The following GRIK2 variants were observed in gnomAD, a reference collection of about 807,000 sequenced individuals.
GRIK2 encodes glutamate ionotropic receptor kainate type subunit 2.
Under a neutral mutation model 100.3 loss-of-function variants are expected in GRIK2, and 32 were observed. The ratio of observed to expected loss-of-function variants is 0.32; its 90% CI spans 0.24 to 0.43. The LOEUF is 0.43. Ranked by LOEUF, GRIK2 falls within the 20% of genes least tolerant of loss-of-function variation. GRIK2 has a pLI of 1.00. For missense variants in GRIK2, 843 were observed against 1,114.9 expected (o/e 0.76, Z 3.47); for synonymous variants, 417 against 389.4 (o/e 1.07, Z -0.83).
At chr6:101,896,278 G>A (rs78858739) in intron 12 of GRIK2, among the ~76,000 whole-genome samples, 5,722 of 151,716 alleles carry the variant, frequency 0.038, 153 homozygotes, top group Non-Finnish European at 0.057. Flanking sequence ...GCTCTTGACT[G>A]AAAGTATCCA....
At chr6:101,987,349 G>A (rs574144752) in intron 14 of GRIK2, among the ~76,000 whole-genome samples, 22 of 151,732 alleles carry the variant, frequency 1.4e-4, no homozygotes, top group African/African-American at 3.9e-4. Context: ...CAAACAAAAC[G>A]AAAACAAAGA....
intron 2 of GRIK2, among the ~76,000 whole-genome samples, chr6:101,563,498 A>G (rs1777119542): frequency 1.3e-5 from 2 of 152,168 alleles, no homozygotes; most frequent in African/African-American, 4.8e-5. Context: ...CTTTCCAATG[A>G]TGTACTTAGG....
At chr6:101,419,704 T>G (rs1055114620) in intron 2 of GRIK2, among the ~76,000 whole-genome samples, 1 of 152,202 alleles carries the variant, frequency 6.6e-6, no homozygotes, top group Non-Finnish European at 1.5e-5. Context: ...TTAAGTAATT[T>G]GTTCCAAATG....
chr6:101,988,132 TGC>T (rs112299589), intron 14 of GRIK2, among the ~76,000 whole-genome samples: 2,522 of 29,086 alleles, frequency 0.087, 26 homozygotes, highest in Middle Eastern at 0.16. Context: ...TGTGTGTGTG[TGC>T]GCGCGCGCGC....
At chr6:101,991,996 GA>G in intron 14 of GRIK2, among the ~76,000 whole-genome samples, 1 of 151,552 alleles carries the variant, frequency 6.6e-6, no homozygotes, top group Non-Finnish European at 1.5e-5. Context: ...TTCTGGTACT[GA>G]GCTTGGAAAA....
intron 2 of GRIK2, among the ~76,000 whole-genome samples, chr6:101,560,410 T>C (rs1562226443): frequency 6.6e-6 from 1 of 152,114 alleles, no homozygotes; most frequent in Admixed American, 6.6e-5. Flanking sequence ...TGAGTGGCTC[T>C]TAAGTATATT....
chr6:101,704,202 C>A (rs1773097764), intron 7 of GRIK2, among the ~76,000 whole-genome samples: 1 of 151,640 alleles, frequency 6.6e-6, no homozygotes, highest in South Asian at 2.1e-4. Context: ...AGTTTAATTT[C>A]TCTAAGAGAC....
chr6:101,823,292 G>A (rs1333656077), intron 10 of GRIK2, among the ~76,000 whole-genome samples: 1 of 152,014 alleles, frequency 6.6e-6, no homozygotes, highest in Non-Finnish European at 1.5e-5. Flanking sequence ...ACATTGTACG[G>A]GTACAGTACA....
At chr6:101,713,220 T>C (rs1773835924) in intron 7 of GRIK2, among the ~76,000 whole-genome samples, 1 of 151,740 alleles carries the variant, frequency 6.6e-6, no homozygotes, top group South Asian at 2.1e-4. Flanking sequence ...TTAATAAACT[T>C]AGAGGCATGG....
chr6:101,930,960 T>C (rs991787982), intron 14 of GRIK2, among the ~76,000 whole-genome samples: 24 of 152,236 alleles, frequency 1.6e-4, no homozygotes, highest in Admixed American at 1.6e-3. Flanking sequence ...CAAGTCACAA[T>C]AAAAACCACA....
chr6:101,422,780 T>C (rs1776473827), intron 2 of GRIK2, among the ~76,000 whole-genome samples: 1 of 152,132 alleles, frequency 6.6e-6, no homozygotes, highest in Non-Finnish European at 1.5e-5. Flanking sequence ...GATTTAAGTA[T>C]CATACATATA....
intron 2 of GRIK2, among the ~76,000 whole-genome samples, chr6:101,606,614 A>T (rs1047684523): frequency 6.6e-5 from 10 of 152,124 alleles, no homozygotes; most frequent in Admixed American, 5.9e-4. Context: ...CCAGACTCTG[A>T]GCCACCTCCT....
rs114006407 is a variant in GRIK2, at chr6:101,581,996, A to C, written c.116-39953A>C. 3.6e-3 allele frequency among the ~76,000 whole-genome samples: 541 copies of C among 152,058 alleles called. 6 individuals are homozygous for C. Among genetic ancestry groups the C allele is most frequent in the African/African-American group, 0.013 (526 of 41,496 alleles). On this transcript the variant is annotated intron_variant, in intron 2 of 16. Transcript: ENST00000369134. ...AGGTGGAGATAATTGAATCATGGGGATGCTTTTCCCCCATACTGTCCTTGT... is the reference window on the plus strand; with the variant it reads ...AGGTGGAGATAATTGAATCATGGGGCTGCTTTTCCCCCATACTGTCCTTGT...
chr6:101,628,845 C>G (rs539701447), intron 4 of GRIK2, among the ~76,000 whole-genome samples: 51 of 152,016 alleles, frequency 3.4e-4, no homozygotes, highest in Non-Finnish European at 7.2e-4. Flanking sequence ...TCCTTAAACT[C>G]CTCATAGGAA....
intron 16 of GRIK2, among the ~76,000 whole-genome samples, chr6:102,064,410 C>CTTT (rs1396079566): frequency 1.4e-4 from 18 of 126,860 alleles, no homozygotes; most frequent in Admixed American, 5.8e-4. Context: ...TCTCTCCCTC[C>CTTT]CTCCTTTCTT....
intron 2 of GRIK2, among the ~76,000 whole-genome samples, chr6:101,481,461 T>G (rs2128261267): frequency 6.6e-6 from 1 of 152,310 alleles, no homozygotes. Flanking sequence ...ATACCATATT[T>G]AGAAGACATT....
chr6:101,927,031 T>C (rs571666987), intron 13 of GRIK2, among the ~76,000 whole-genome samples: 1 of 152,242 alleles, frequency 6.6e-6, no homozygotes, highest in Admixed American at 6.5e-5. Context: ...AGTGTGTGTC[T>C]GACAGGGCCT....
chr6:102,028,726 G>A (rs981864863), intron 14 of GRIK2, among the ~76,000 whole-genome samples: 19 of 149,532 alleles, frequency 1.3e-4, no homozygotes, highest in East Asian at 3.9e-4. Context: ...TTAAGAAATC[G>A]TTTTTTTTAT....
intron 4 of GRIK2, among the ~76,000 whole-genome samples, chr6:101,668,470 A>T (rs1043874386): frequency 6.6e-6 from 1 of 152,192 alleles, no homozygotes; most frequent in African/African-American, 2.4e-5. Flanking sequence ...CTATTTAGTT[A>T]GCTTTAAAAC....
Sources: allele counts gnomAD v4.1 joint callset (sites outside exome capture counted in the v4.1 genomes callset), GRCh38; gene constraint gnomAD v4.1.1; transcripts MANE v1.5; gene names NCBI Gene and HGNC (gene_info 2026-07-23, HGNC 2026-07-21).